The following PARVA variants were observed in gnomAD, a reference collection of about 807,000 sequenced individuals.
The protein encoded by PARVA is parvin alpha.
In PARVA, 25 loss-of-function variants were observed where a neutral mutation model predicts 52.6. The observed-to-expected ratio is 0.48, with a 90% confidence interval of 0.35 to 0.66. The LOEUF (loss-of-function observed/expected upper bound fraction) is 0.66. PARVA is among the 30% of genes least tolerant of loss of function. The pLI is 0.01. For synonymous variants in PARVA, 185 were observed against 179.1 expected, an observed-to-expected ratio of 1.03 and a Z score of -0.26; for missense variants, 373 against 450.9, an observed-to-expected ratio of 0.83 and a Z score of 1.56.
chr11:12,427,980 A>T (rs1462840996), intron 1 of PARVA, among the ~76,000 whole-genome samples: 1 of 152,210 alleles, frequency 6.6e-6, no homozygotes. Context: ...GACATTGCCC[A>T]CTGCATGCCC....
At chr11:12,505,593 G>A (rs1941423221) in intron 6 of PARVA, among the ~76,000 whole-genome samples, 1 of 152,200 alleles carries the variant, frequency 6.6e-6, no homozygotes, top group South Asian at 2.1e-4. Context: ...AGCAGAGAGG[G>A]CTCATAGGAA....
intron 1 of PARVA, among the ~76,000 whole-genome samples, chr11:12,464,564 G>A (rs867378207): frequency 2.0e-5 from 3 of 152,098 alleles, no homozygotes; most frequent in Admixed American, 6.6e-5. Flanking sequence ...ACTTAAGTTC[G>A]TACCATTCCC....
At chr11:12,382,283 CTGTT>C (rs1010329577) in intron 1 of PARVA, among the ~76,000 whole-genome samples, 35 of 149,318 alleles carry the variant, frequency 2.3e-4, no homozygotes, top group African/African-American at 6.1e-4. Flanking sequence ...TAAGTTCTAA[CTGTT>C]TGTAATAGAT....
intron 12 of PARVA, among the ~76,000 whole-genome samples, chr11:12,526,242 A>T (rs1017458429): frequency 7.9e-5 from 12 of 152,004 alleles, no homozygotes; most frequent in African/African-American, 1.4e-4. Context: ...CTTTTTTTTT[A>T]AAAGTCCCAA....
At chr11:12,420,246 T>G (rs1940129105) in intron 1 of PARVA, among the ~76,000 whole-genome samples, 1 of 152,212 alleles carries the variant, frequency 6.6e-6, no homozygotes, top group Admixed American at 6.5e-5. Flanking sequence ...CATCTGTTAT[T>G]CCTTTTGGAG....
chr11:12,491,555 G>A (rs546089690), intron 4 of PARVA, among the ~76,000 whole-genome samples: 2 of 152,274 alleles, frequency 1.3e-5, no homozygotes, highest in South Asian at 4.1e-4. Flanking sequence ...TTTTTTTAAA[G>A]CTGGGGTAAC....
chr11:12,525,963 C>T (rs1334483707), intron 12 of PARVA, among the ~76,000 whole-genome samples: 2 of 152,080 alleles, frequency 1.3e-5, no homozygotes, highest in Non-Finnish European at 2.9e-5. Flanking sequence ...GGCCCTAGGC[C>T]TGGAGCTTGG....
At chr11:12,425,554 T>G (rs1023576291) in intron 1 of PARVA, among the ~76,000 whole-genome samples, 1 of 152,212 alleles carries the variant, frequency 6.6e-6, no homozygotes, top group Admixed American at 6.5e-5. Flanking sequence ...AGTTCCTGTC[T>G]TTGTGATTCT....
chr11:12,508,404 G>T (rs961135083), intron 6 of PARVA, among the ~76,000 whole-genome samples, 180 bp from the exon 7 acceptor site: 1 of 152,194 alleles, frequency 6.6e-6, no homozygotes, highest in East Asian at 1.9e-4. Context: ...CGTCCTAATG[G>T]TTCAGTCCAG....
At chr11:12,394,837 A>C (rs1939713561) in intron 1 of PARVA, among the ~76,000 whole-genome samples, 1 of 152,202 alleles carries the variant, frequency 6.6e-6, no homozygotes, top group South Asian at 2.1e-4. Flanking sequence ...CAAGCCTGTA[A>C]TTCCAGCACT....
intron 6 of PARVA, among the ~76,000 whole-genome samples, chr11:12,505,737 A>G (rs1026856009): frequency 1.3e-5 from 2 of 152,220 alleles, no homozygotes. Context: ...TGGCCAACTC[A>G]GACTACTCTG....
intron 1 of PARVA, among the ~76,000 whole-genome samples, chr11:12,420,496 G>C (rs1289146611): frequency 6.6e-6 from 1 of 152,186 alleles, no homozygotes; most frequent in East Asian, 1.9e-4. Context: ...AATGTGTCTT[G>C]AGAGATTGGA....
chr11:12,516,312 A>G (rs906094965), intron 10 of PARVA, among the ~76,000 whole-genome samples: 3 of 152,178 alleles, frequency 2.0e-5, no homozygotes, highest in African/African-American at 7.2e-5. Context: ...ACACTCATAA[A>G]CATTTGGTGG....
At chr11:12,527,300 A>AGGAGGGAGGATGGGAGGATTAGAG (rs1564871948) in intron 12 of PARVA, among the ~76,000 whole-genome samples, 3 of 86,758 alleles carry the variant, frequency 3.5e-5, no homozygotes, top group African/African-American at 1.1e-4. Context: ...ATCAGAGGAA[A>AGGAGGGAGGATGGGAGGATTAGAG]GGAGGGAGGG....
intron 1 of PARVA, among the ~76,000 whole-genome samples, chr11:12,466,450 G>A (rs1449683504): frequency 2.0e-5 from 3 of 151,984 alleles, no homozygotes; most frequent in African/African-American, 7.2e-5. Flanking sequence ...GGGACTACAG[G>A]CATGCGCCAC....
intron 1 of PARVA, among the ~76,000 whole-genome samples, chr11:12,389,636 A>G (rs1939628604): frequency 6.6e-6 from 1 of 152,082 alleles, no homozygotes; most frequent in South Asian, 2.1e-4. Context: ...CCTCCCACCC[A>G]TTTCCCCTCC....
intron 4 of PARVA, 186 bp downstream of exon 4, chr11:12,478,135 T>C: frequency 1.5e-6 from 1 of 683,976 alleles, no homozygotes; most frequent in East Asian, 2.8e-5. Context: ...TTCATATGAA[T>C]GAATTGTAGA....
intron 1 of PARVA, among the ~76,000 whole-genome samples, chr11:12,405,539 G>A (rs568502934): frequency 2.6e-5 from 4 of 152,228 alleles, no homozygotes; most frequent in Non-Finnish European, 4.4e-5. Flanking sequence ...ACTCCAGCCT[G>A]CATGACAGAG....
At chr11:12,431,522 C>T (rs1940316961) in intron 1 of PARVA, among the ~76,000 whole-genome samples, 1 of 152,204 alleles carries the variant, frequency 6.6e-6, no homozygotes, top group African/African-American at 2.4e-5. Context: ...AGTTCTTGCC[C>T]CACATTTTCA....
Sources: gnomAD v4.1 joint callset for allele counts (sites outside exome capture counted in the v4.1 genomes callset) on GRCh38, gnomAD v4.1.1 for gene constraint, MANE v1.5 for transcripts, NCBI Gene and HGNC (gene_info 2026-07-23, HGNC 2026-07-21) for gene names.